Variants in LGR5 observed in about 807,000 individuals in gnomAD.
LGR5 encodes the protein leucine rich repeat containing G protein-coupled receptor 5.
Under a neutral mutation model 76.7 loss-of-function variants are expected in LGR5, and 54 were observed. That is an observed-to-expected ratio of 0.70 (90% CI 0.57 to 0.88). The LOEUF is 0.88. Ranked by LOEUF, LGR5 falls within the 40% of genes least tolerant of loss-of-function variation. The pLI, the probability that LGR5 is intolerant of heterozygous loss-of-function variation, is 0.00. For synonymous variants in LGR5, 406 were observed against 421.9 expected (o/e 0.96, Z 0.46); for missense variants, 1,078 against 1,073.3 (o/e 1.00, Z -0.06).
At chr12:71,570,319 T>C (rs940573146) in intron 11 of LGR5, among the ~76,000 whole-genome samples, 3 of 152,098 alleles carry the variant, frequency 2.0e-5, no homozygotes, top group South Asian at 2.1e-4. Context: ...TTTAAAAAAA[T>C]AAAATAATTT....
intron 4 of LGR5, among the ~76,000 whole-genome samples, chr12:71,537,361 C>T (rs554155188): frequency 2.0e-5 from 3 of 151,972 alleles, no homozygotes; most frequent in African/African-American, 7.2e-5. Context: ...CCCAGCTAGT[C>T]GGGAGGCTGA....
chr12:71,475,411 C>G (rs1045705774), intron 1 of LGR5, among the ~76,000 whole-genome samples: 1 of 152,166 alleles, frequency 6.6e-6, no homozygotes, highest in African/African-American at 2.4e-5. Flanking sequence ...CCTAGAGTGG[C>G]TCCCAGAGCC....
Position 71,568,763 on chromosome 12 carries a change from G to T in LGR5, c.1070+1851G>T, listed in dbSNP as rs550290246. ...CAAGGTGCTTTATGTTCTCCTGGGG[G>T]TATAGATCTGAGAGCTCTCCCCTTT... is the stretch of plus-strand genomic sequence containing the variant. On this transcript the variant is annotated intron_variant, in intron 11 of 17. Transcript: ENST00000266674. Among the ~76,000 whole-genome samples the T allele has an allele frequency of 8.5e-5, 13 of 152,272 alleles. No individual in the cohort carries two copies. In the East Asian group the frequency reaches 2.3e-3, roughly 27 times the overall value.
chr12:71,517,132 T>G (rs1236347014), intron 2 of LGR5, among the ~76,000 whole-genome samples: 1 of 152,244 alleles, frequency 6.6e-6, no homozygotes, highest in Non-Finnish European at 1.5e-5. Flanking sequence ...TTGTGTATTG[T>G]GAACACATTT....
At chr12:71,573,461 C>G (rs1429993890) in intron 13 of LGR5, among the ~76,000 whole-genome samples, 1 of 152,106 alleles carries the variant, frequency 6.6e-6, no homozygotes, top group Non-Finnish European at 1.5e-5. Context: ...ACTTCTGTTG[C>G]TCAGGCAACT....
At chr12:71,444,079 G>T (rs1295648605) in intron 1 of LGR5, among the ~76,000 whole-genome samples, 1 of 152,034 alleles carries the variant, frequency 6.6e-6, no homozygotes, top group Non-Finnish European at 1.5e-5. Flanking sequence ...TGTTTTAAGT[G>T]TTTAAGATGC....
rs755436607 is a variant in LGR5 at position 71,566,920 on chromosome 12, T to C, written c.1070+8T>C. ...ACCTAATCTCCAAGTGCTGTGCGTA[T>C]CAGTAAGGCAATAATGTTGTGTAAA... On this transcript the variant is annotated splice_region_variant and intron_variant, in intron 11 of 17. Coordinates refer to ENST00000266674, the MANE Select transcript of LGR5 (RefSeq NM_003667.4). 1 of 1,602,598 alleles carries C rather than the reference T, an allele frequency of 6.2e-7. No individual in the cohort carries two copies. Among genetic ancestry groups the C allele is most frequent in the Non-Finnish European group, 8.6e-7 (1 of 1,169,530 alleles).
chr12:71,547,894 G>A (rs1332309313), intron 4 of LGR5, among the ~76,000 whole-genome samples: 1 of 151,862 alleles, frequency 6.6e-6, no homozygotes, highest in Non-Finnish European at 1.5e-5. Flanking sequence ...TTATGTAGGT[G>A]GCTGTAGATG....
chr12:71,462,589 C>A (rs1427743909), intron 1 of LGR5, among the ~76,000 whole-genome samples: 3 of 152,144 alleles, frequency 2.0e-5, no homozygotes, highest in Non-Finnish European at 4.4e-5. Context: ...GTCTCCTCAT[C>A]AATGGCTGGG....
chr12:71,481,837 T>C (rs1218420643), intron 1 of LGR5, among the ~76,000 whole-genome samples: 1 of 151,964 alleles, frequency 6.6e-6, no homozygotes, highest in Non-Finnish European at 1.5e-5. Context: ...GCCTGGGGGG[T>C]ATTTTCTGTA....
In LGR5 at chr12:71,524,414, C is replaced by A; in HGVS notation, c.293C>A (p.Ala98Glu). 6.2e-7 allele frequency: 1 copy of A among 1,611,616 alleles called. No individual in the cohort carries two copies. The highest frequency in any genetic ancestry group is 8.5e-7 in the Non-Finnish European group (1 of 1,178,384). Residue 98 changes from alanine to glutamate, a missense_variant, in exon 3 of 18, where the codon GCG becomes GAG. Physicochemically the swap from Ala to Glu is moderately radical, Grantham distance 107 (BLOSUM62 -1). Coordinates refer to ENST00000266674, the MANE Select transcript of LGR5 (RefSeq NM_003667.4). Reference sequence around the variant, plus strand: ...TCCATTGAAACCCACAGACGTCTTGCGGGAAACGCTCTGACATACATTCCC... The same window carrying A: ...TCCATTGAAACCCACAGACGTCTTGAGGGAAACGCTCTGACATACATTCCC... The part of the protein sequence containing the change: ...SLRFLEELRL[A>E]GNALTYIPKG...
chr12:71,487,803 AAAGGGTTTGATT>A (rs900486309), intron 1 of LGR5, among the ~76,000 whole-genome samples: 11 of 152,226 alleles, frequency 7.2e-5, no homozygotes, highest in Non-Finnish European at 1.5e-4. Context: ...GTGTCAAACC[AAAGGGTTTGATT>A]ACAGAGGGAG....
At chr12:71,499,707 C>A (rs1367593089) in intron 1 of LGR5, among the ~76,000 whole-genome samples, 1 of 152,100 alleles carries the variant, frequency 6.6e-6, no homozygotes, top group Non-Finnish European at 1.5e-5. Context: ...AGCCATTCAT[C>A]CTGCTTGCTC....
intron 1 of LGR5, among the ~76,000 whole-genome samples, chr12:71,459,826 A>T (rs1464322145): frequency 6.6e-6 from 1 of 151,952 alleles, no homozygotes; most frequent in African/African-American, 2.4e-5. Context: ...TATAAATTAT[A>T]ATAATTTATA....
intron 4 of LGR5, among the ~76,000 whole-genome samples, chr12:71,545,328 G>A (rs1277725727): frequency 1.3e-5 from 2 of 151,982 alleles, no homozygotes; most frequent in African/African-American, 4.8e-5. Flanking sequence ...TACACCTGTG[G>A]TCCCAGCTGC....
chr12:71,582,366 C>A, intron 16 of LGR5, 90 bp from the exon 17 acceptor site: 1 of 1,030,876 alleles, frequency 9.7e-7, no homozygotes, highest in South Asian at 1.4e-5. Context: ...CAGTTCATGT[C>A]TCCAGAATAA....
Position 71,561,782 on chromosome 12 carries a change from G to T in LGR5, c.787G>T (p.Gly263Ter). ...TTATAATTTTTTTTCTCTTTCTAGA[G>T]GATTTCATAGCAACAATATCAGGTC... ...IRTLSNLKEL[G>*]FHSNNIRSIP... The change falls in exon 8 of 18, where the codon GGA (glycine) becomes TGA (stop). Residue 263 changes from glycine to a stop codon, truncating the protein, a stop_gained and splice_region_variant. Transcript: ENST00000266674. LOFTEE classifies it high-confidence loss of function. 1 of 1,592,710 alleles carries T rather than the reference G, an allele frequency of 6.3e-7. No homozygotes were observed.
intron 1 of LGR5, among the ~76,000 whole-genome samples, chr12:71,503,524 C>A (rs1186841305): frequency 6.6e-6 from 1 of 152,052 alleles, no homozygotes; most frequent in Non-Finnish European, 1.5e-5. Context: ...CAATTCTTAG[C>A]GTCATTGATG....
intron 1 of LGR5, among the ~76,000 whole-genome samples, chr12:71,463,736 T>C (rs1225071801): frequency 6.6e-6 from 1 of 152,126 alleles, no homozygotes; most frequent in Non-Finnish European, 1.5e-5. Flanking sequence ...CTTGTAAAGA[T>C]TAGTATCTCT....
Sources: allele counts gnomAD v4.1 joint callset (sites outside exome capture counted in the v4.1 genomes callset), GRCh38; gene constraint gnomAD v4.1.1; transcripts MANE v1.5; gene names NCBI Gene and HGNC (gene_info 2026-07-23, HGNC 2026-07-21).